Variants in PIP observed in about 807,000 individuals in gnomAD.
PIP encodes the protein prolactin-inducible protein.
PIP carries 9 observed loss-of-function variants against 12.8 expected under a neutral mutation model. The ratio of observed to expected loss-of-function variants is 0.70; its 90% confidence interval spans 0.42 to 1.23. The LOEUF (loss-of-function observed/expected upper bound fraction) is 1.23. Among genes scored for constraint, PIP ranks in the 50% most tolerant of loss-of-function variants. The probability of loss-of-function intolerance (pLI) is 0.00; values close to 1 mark genes in which losing one functional copy is unlikely to be tolerated. For missense variants in PIP, 172 were observed against 179.5 expected, an observed-to-expected ratio of 0.96 and a Z score of 0.24; for synonymous variants, 60 against 66.1, an observed-to-expected ratio of 0.91 and a Z score of 0.45.
At chr7:143,135,775 G>A (rs2116569289) in intron 2 of PIP, among the ~76,000 whole-genome samples, 1 of 152,006 alleles carries the variant, frequency 6.6e-6, no homozygotes, top group African/African-American at 2.4e-5. Flanking sequence ...GCCTTCTTCT[G>A]CTCCTTTGCT....
rs73725088 is a variant in PIP, at chr7:143,138,978, C to G, written c.202-97C>G. On this transcript the variant is annotated intron_variant, in intron 2 of 3. Transcript: ENST00000291009. ...CTTGCCCTAGGCCCACCTCCACCCC[C>G]ACTCTTCTCCTCCGGCTTTTCCCTC... The G allele has an allele frequency of 0.012, 8,639 of 726,522 alleles. 539 individuals carry two copies. The African/African-American group carries it at 0.13, about 11-fold the overall frequency. The allele number at this position is 726,522 out of a possible 1,614,324, so 45.0% of individuals were successfully genotyped here.
intron 1 of PIP, among the ~76,000 whole-genome samples, chr7:143,133,425 C>T (rs918476072): frequency 1.8e-4 from 27 of 152,070 alleles, no homozygotes; most frequent in Admixed American, 6.6e-5. Context: ...CTCTAAGATG[C>T]TTTGCCCCAA....
chr7:143,136,944 C>T (rs1028820042), intron 2 of PIP, among the ~76,000 whole-genome samples: 13 of 151,542 alleles, frequency 8.6e-5, no homozygotes, highest in African/African-American at 3.1e-4. Context: ...CTTCATTTTT[C>T]AAAGTATAAC....
At chr7:143,132,266 C>G (rs1347027621) in intron 1 of PIP, 55 bp downstream of exon 1, 27 of 1,592,036 alleles carry the variant, frequency 1.7e-5, no homozygotes, top group Non-Finnish European at 2.2e-5. Context: ...GGCTCCTCTC[C>G]CAGTCTGGAA....
In PIP at chr7:143,139,721, A is replaced by C; in HGVS notation, c.*79A>C. The C allele has an allele frequency of 7.1e-7, 1 of 1,399,506 alleles. No homozygotes were observed. The highest frequency in any genetic ancestry group is 1.0e-6 in the Non-Finnish European group (1 of 1,004,362). 86.7% of individuals were successfully genotyped at this position (1,399,506 alleles called of 1,614,324 possible). ...CTGGAATTTCTGCTGTGGTCTATAA[A>C]ATAAACTTCTTAACATGCTTCTCCA... On this transcript the variant is annotated 3_prime_UTR_variant, in exon 4 of 4. Coordinates refer to ENST00000291009, the MANE Select transcript of PIP (RefSeq NM_002652.3).
intron 2 of PIP, among the ~76,000 whole-genome samples, chr7:143,136,464 G>C (rs1254313442): frequency 6.6e-6 from 1 of 152,056 alleles, no homozygotes; most frequent in African/African-American, 2.4e-5. Context: ...TGGTCAATGA[G>C]CAAAGAATAT....
intron 1 of PIP, among the ~76,000 whole-genome samples, chr7:143,133,380 G>T (rs1799264158): frequency 6.6e-6 from 1 of 151,934 alleles, no homozygotes; most frequent in Non-Finnish European, 1.5e-5. Context: ...CTGTGCACTG[G>T]GCACTACAGC....
At chr7:143,132,517 T>C (rs1436739206) in intron 1 of PIP, among the ~76,000 whole-genome samples, 1 of 152,178 alleles carries the variant, frequency 6.6e-6, no homozygotes, top group African/African-American at 2.4e-5. Context: ...TCATAATTTA[T>C]ACCTTTGTTC....
At chr7:143,135,657 G>A (rs1445572592) in intron 2 of PIP, among the ~76,000 whole-genome samples, 2 of 152,176 alleles carry the variant, frequency 1.3e-5, no homozygotes, top group African/African-American at 2.4e-5. Flanking sequence ...GTTCTCAGAA[G>A]AGAAAGCAGC....
At chr7:143,137,634 T>C (rs956600443) in intron 2 of PIP, among the ~76,000 whole-genome samples, 3 of 152,134 alleles carry the variant, frequency 2.0e-5, no homozygotes, top group Non-Finnish European at 4.4e-5. Flanking sequence ...GCACAGTGGC[T>C]TGTGCCTGTA....
At chr7:143,134,574 T>A (rs1799284300) in intron 1 of PIP, among the ~76,000 whole-genome samples, 1 of 151,910 alleles carries the variant, frequency 6.6e-6, no homozygotes, top group Non-Finnish European at 1.5e-5. Context: ...TAAGGTGGTA[T>A]CGCATTGTGG....
intron 1 of PIP, among the ~76,000 whole-genome samples, chr7:143,134,421 T>A (rs531400894): frequency 5.3e-5 from 8 of 151,250 alleles, no homozygotes; most frequent in Non-Finnish European, 1.0e-4. Flanking sequence ...TTTTTAGTTC[T>A]TTAAGGAATC....
Position 143,132,173 on chromosome 7 carries a change from C to G in PIP, c.57C>G (p.Leu19=). 6.2e-7 allele frequency: 1 copy of G among 1,613,322 alleles called. No homozygotes were observed. The change falls in exon 1 of 4, where the codon CTC becomes CTG. Residue 19 remains leucine (L), a synonymous_variant. Transcript: ENST00000291009. The part of the protein sequence containing the change: ...RASPATLLLV[L]CLQLGANKAQ... The stretch of plus-strand genomic sequence containing the variant: ...GCCCTGCCACCCTGCTCCTGGTTCT[C>G]TGCCTGCAGTTGGGGGCCAACAAAG...
At chr7:143,136,950 A>T (rs985177324) in intron 2 of PIP, among the ~76,000 whole-genome samples, 4 of 151,740 alleles carry the variant, frequency 2.6e-5, no homozygotes, top group African/African-American at 9.7e-5. Context: ...TTTTCAAAGT[A>T]TAACTATTTT....
intron 2 of PIP, among the ~76,000 whole-genome samples, chr7:143,137,982 A>G (rs1328177748): frequency 1.3e-5 from 2 of 151,882 alleles, no homozygotes; most frequent in Non-Finnish European, 2.9e-5. Context: ...ATTCTGAGTA[A>G]AACTCCAAGG....
At position 143,139,174 on chromosome 7, in the gene PIP, G is replaced by C. The variant is rs200674410; in HGVS notation, c.301G>C (p.Asp101His). The C allele has an allele frequency of 1.5e-4, 232 of 1,572,156 alleles. No individual in the cohort carries two copies. In the Middle Eastern group the frequency reaches 2.7e-3, roughly 18 times the overall value. ...CGACAATCCAAAAACCTTCTACTGG[G>C]ACTTTTACACCAACAGTAAGTACAG... ...CDDNPKTFYW[D>H]FYTNRTVQIA... The change falls in exon 3 of 4, where the codon GAC (aspartate) becomes CAC (histidine). Residue 101 changes from aspartate to histidine, a missense_variant. Coordinates refer to ENST00000291009, the MANE Select transcript of PIP (RefSeq NM_002652.3).
At chr7:143,138,503 C>T (rs936613926) in intron 2 of PIP, among the ~76,000 whole-genome samples, 3 of 152,118 alleles carry the variant, frequency 2.0e-5, no homozygotes, top group Admixed American at 6.6e-5. Context: ...AAGAAATTTA[C>T]ATTCAAGATG....
chr7:143,135,792 C>T (rs992745310), intron 2 of PIP, among the ~76,000 whole-genome samples: 3 of 151,948 alleles, frequency 2.0e-5, no homozygotes, highest in African/African-American at 7.2e-5. Flanking sequence ...TGCTCTGGGT[C>T]ACCAGAAGTG....
At position 143,139,637 on chromosome 7, in the gene PIP, G is replaced by A. The variant is rs1460447596; in HGVS notation, c.436G>A (p.Glu146Lys). 3 of 1,608,438 alleles carry A rather than the reference G, an allele frequency of 1.9e-6. No homozygotes were observed. The highest frequency in any genetic ancestry group is 2.2e-5 in the East Asian group (1 of 44,800). Residue 146 changes from glutamate (E) to lysine (K), a missense_variant, in exon 4 of 4, where the codon GAA (glutamate) becomes AAA (lysine). Transcript: ENST00000291009. The part of the protein sequence containing the change: ...RFYTIEILKV[E>K] The stretch of plus-strand genomic sequence containing the variant: ...TTATACTATTGAAATCCTAAAGGTA[G>A]AATAATGGAAGCCCTGTCTGTTTGC...
Sources: gnomAD v4.1 joint callset for allele counts (sites outside exome capture counted in the v4.1 genomes callset) on GRCh38, gnomAD v4.1.1 for gene constraint, MANE v1.5 for transcripts, NCBI Gene and HGNC (gene_info 2026-07-23, HGNC 2026-07-21) for gene names.